The following ELMO1 variants were observed in gnomAD, a reference collection of about 807,000 sequenced individuals.
ELMO1 encodes the protein engulfment and cell motility 1, also known as engulfment and cell motility protein 1.
Under a neutral mutation model 98.9 loss-of-function variants are expected in ELMO1, and 26 were observed. The ratio of observed to expected loss-of-function variants is 0.26; its 90% CI spans 0.19 to 0.36. ELMO1 has a LOEUF of 0.36. Ranked by LOEUF, ELMO1 falls within the 10% of genes least tolerant of loss-of-function variation. ELMO1 has a pLI of 1.00. For synonymous variants in ELMO1, 346 were observed against 346.0 expected (o/e 1.00, Z 0.00); for missense variants, 627 against 935.2 (o/e 0.67, Z 4.30).
chr7:37,189,606 T>C (rs965831507), intron 13 of ELMO1, among the ~76,000 whole-genome samples: 3 of 152,196 alleles, frequency 2.0e-5, no homozygotes, highest in African/African-American at 4.8e-5. Flanking sequence ...TTCAAAGACA[T>C]GAGTTCTAAC....
chr7:36,973,976 C>A (rs1030976335), intron 16 of ELMO1, among the ~76,000 whole-genome samples: 1 of 152,230 alleles, frequency 6.6e-6, no homozygotes, highest in African/African-American at 2.4e-5. Context: ...TGCCTTCCCG[C>A]GGGGCAGGGC....
intron 2 of ELMO1, among the ~76,000 whole-genome samples, chr7:37,331,001 G>A (rs959352969): frequency 6.6e-6 from 1 of 152,166 alleles, no homozygotes; most frequent in Non-Finnish European, 1.5e-5. Flanking sequence ...AAGGGGTGCT[G>A]CAAGTCCTGG....
chr7:37,073,164 G>T (rs1487049237), intron 15 of ELMO1, among the ~76,000 whole-genome samples: 1 of 151,928 alleles, frequency 6.6e-6, no homozygotes, highest in Non-Finnish European at 1.5e-5. Context: ...GTAAAAATTT[G>T]GAAACAATCT....
chr7:37,000,630 T>C (rs1792596714), intron 16 of ELMO1, among the ~76,000 whole-genome samples: 1 of 152,220 alleles, frequency 6.6e-6, no homozygotes, highest in African/African-American at 2.4e-5. Context: ...TGATTCAACA[T>C]TCCTGCTGCA....
At chr7:36,917,322 G>T (rs1784779598) in intron 16 of ELMO1, among the ~76,000 whole-genome samples, 1 of 152,088 alleles carries the variant, frequency 6.6e-6, no homozygotes, top group Non-Finnish European at 1.5e-5. Flanking sequence ...GATGAAAGTT[G>T]CTGGATTTAT....
intron 15 of ELMO1, among the ~76,000 whole-genome samples, chr7:37,065,533 C>T (rs1796910420): frequency 6.6e-6 from 1 of 152,122 alleles, no homozygotes; most frequent in South Asian, 2.1e-4. Flanking sequence ...TGTGGTCACC[C>T]TCCTCTTCCT....
chr7:36,919,241 A>G (rs1284179135), intron 16 of ELMO1: 5 of 365,310 alleles, frequency 1.4e-5, no homozygotes, highest in Non-Finnish European at 2.4e-5. Flanking sequence ...GCATTTGGTT[A>G]ATAGTGACTA....
chr7:37,398,602 T>C (rs1803395347), intron 1 of ELMO1, among the ~76,000 whole-genome samples: 1 of 152,128 alleles, frequency 6.6e-6, no homozygotes, highest in Non-Finnish European at 1.5e-5. Flanking sequence ...CGGGCTGAAG[T>C]TTCCTTCCCT....
At chr7:37,156,446 G>C (rs1387722354) in intron 13 of ELMO1, among the ~76,000 whole-genome samples, 2 of 152,048 alleles carry the variant, frequency 1.3e-5, no homozygotes, top group African/African-American at 4.8e-5. Context: ...AAGAAGAAAA[G>C]AGTGAAAAAT....
At chr7:37,295,896 G>A (rs1467227522) in intron 4 of ELMO1, among the ~76,000 whole-genome samples, 76 of 152,222 alleles carry the variant, frequency 5.0e-4, no homozygotes, top group Non-Finnish European at 1.5e-5. Context: ...TAATAATATA[G>A]CAAGCTTCCA....
intron 14 of ELMO1, among the ~76,000 whole-genome samples, chr7:37,122,110 C>T (rs966251735): frequency 6.6e-5 from 10 of 152,272 alleles, no homozygotes; most frequent in African/African-American, 2.4e-4. Flanking sequence ...ACCACAAGGC[C>T]TGCCCTAAAA....
At chr7:37,311,758 C>T (rs767299607) in intron 4 of ELMO1, among the ~76,000 whole-genome samples, 8 of 152,084 alleles carry the variant, frequency 5.3e-5, no homozygotes, top group African/African-American at 9.7e-5. Context: ...CAAAGAACTA[C>T]GATAGGGAAG....
chr7:36,975,965 A>G (rs967187063), intron 16 of ELMO1, among the ~76,000 whole-genome samples: 4 of 152,228 alleles, frequency 2.6e-5, no homozygotes, highest in African/African-American at 9.6e-5. Context: ...CTCTTCTCGA[A>G]TAGTTGGAAA....
chr7:37,013,172 A>C, intron 16 of ELMO1, 127 bp downstream of exon 16: 1 of 1,221,514 alleles, frequency 8.2e-7, no homozygotes, highest in Non-Finnish European at 1.1e-6. Flanking sequence ...TTCTTGAAGC[A>C]ACTATCATTG....
chr7:36,954,680 A>G (rs1005031089), intron 16 of ELMO1, among the ~76,000 whole-genome samples: 5 of 152,134 alleles, frequency 3.3e-5, no homozygotes, highest in African/African-American at 1.2e-4. Context: ...GGTGAGTCCA[A>G]GGTTTTATTA....
At chr7:37,158,455 T>G (rs1166775154) in intron 13 of ELMO1, among the ~76,000 whole-genome samples, 2 of 151,890 alleles carry the variant, frequency 1.3e-5, no homozygotes, top group Non-Finnish European at 2.9e-5. Flanking sequence ...TTAAACAAAT[T>G]TATAAGAAAA....
At chr7:37,123,990 A>T (rs903056652) in intron 14 of ELMO1, among the ~76,000 whole-genome samples, 1 of 152,214 alleles carries the variant, frequency 6.6e-6, no homozygotes, top group Non-Finnish European at 1.5e-5. Flanking sequence ...AACATATGCA[A>T]ATCCATAAAC....
intron 13 of ELMO1, among the ~76,000 whole-genome samples, chr7:37,207,808 G>C (rs995815173): frequency 2.6e-5 from 4 of 152,242 alleles, no homozygotes; most frequent in Admixed American, 2.0e-4. Context: ...TGGGTGTGGT[G>C]GTGGGCACCC....
At chr7:37,239,628 G>A (rs1390967534) in intron 7 of ELMO1, among the ~76,000 whole-genome samples, 2 of 152,200 alleles carry the variant, frequency 1.3e-5, no homozygotes, top group East Asian at 3.8e-4. Context: ...GATAAAGCAG[G>A]CAGAAAGCAG....
Sources: allele counts gnomAD v4.1 joint callset (sites outside exome capture counted in the v4.1 genomes callset), GRCh38; gene constraint gnomAD v4.1.1; transcripts MANE v1.5; gene names NCBI Gene and HGNC (gene_info 2026-07-23, HGNC 2026-07-21).